Variants in DCC observed in about 807,000 individuals in gnomAD.
The protein encoded by DCC is DCC netrin 1 receptor.
DCC carries 58 observed loss-of-function variants against 172.5 expected under a neutral mutation model. The ratio of observed to expected loss-of-function variants is 0.34; its 90% CI spans 0.27 to 0.42. DCC has a LOEUF of 0.42. Among genes scored for constraint, DCC ranks in the 10% least tolerant of loss-of-function variants. The pLI is 1.00. For missense variants in DCC, 1,740 were observed against 1,791.0 expected (o/e 0.97, Z 0.51); for synonymous variants, 709 against 644.5 (o/e 1.10, Z -1.52).
chr18:52,865,692 TG>T (rs2039215922), intron 2 of DCC, among the ~76,000 whole-genome samples: 1 of 152,040 alleles, frequency 6.6e-6, no homozygotes, highest in Non-Finnish European at 1.5e-5. Flanking sequence ...CACTTTATGA[TG>T]GGGTTGTTTT....
rs114608127 is a variant in DCC at position 52,993,489 on chromosome 18, G to C, written c.985+68119G>C. On this transcript the variant is annotated intron_variant, in intron 5 of 28. Transcript: ENST00000442544. The stretch of plus-strand genomic sequence containing the variant: ...ATATTAATGGAATGTCTGTTACCAT[G>C]AACATTTAAATGAGAAACTCGGGTT... Among the ~76,000 whole-genome samples, 344 of 152,080 alleles carry C rather than the reference G, an allele frequency of 2.3e-3. 1 individual carries two copies. The highest frequency in any genetic ancestry group is 7.9e-3 in the African/African-American group (327 of 41,506).
At chr18:52,561,455 C>CAT (rs757279365) in intron 1 of DCC, among the ~76,000 whole-genome samples, 292 of 149,512 alleles carry the variant, frequency 2.0e-3, no homozygotes, top group African/African-American at 3.2e-3. Flanking sequence ...GCTACACACA[C>CAT]ATATATATAT....
At chr18:53,339,437 A>G (rs2057629973) in intron 14 of DCC, among the ~76,000 whole-genome samples, 1 of 152,200 alleles carries the variant, frequency 6.6e-6, no homozygotes, top group African/African-American at 2.4e-5. Flanking sequence ...AAAAAGAAAA[A>G]AAGCCCAAGT....
chr18:52,502,782 C>T (rs574613233), intron 1 of DCC, among the ~76,000 whole-genome samples: 8 of 152,276 alleles, frequency 5.3e-5, no homozygotes, highest in African/African-American at 1.9e-4. Flanking sequence ...CTAAAAGCCC[C>T]GAGGCGGGAG....
At chr18:53,226,993 A>G (rs2056043500) in intron 12 of DCC, among the ~76,000 whole-genome samples, 1 of 112,792 alleles carries the variant, frequency 8.9e-6, no homozygotes, top group Non-Finnish European at 1.9e-5. Flanking sequence ...TCTGTCACCC[A>G]GGGTGGAGTG....
At chr18:52,679,631 G>T (rs2035708910) in intron 1 of DCC, among the ~76,000 whole-genome samples, 1 of 152,070 alleles carries the variant, frequency 6.6e-6, no homozygotes, top group South Asian at 2.1e-4. Context: ...TTGCATTTTT[G>T]CTGAACCAAA....
chr18:53,455,086 C>A (rs188135281), intron 23 of DCC, among the ~76,000 whole-genome samples: 230 of 152,290 alleles, frequency 1.5e-3, no homozygotes, highest in African/African-American at 5.1e-3. Flanking sequence ...ATCAATATAT[C>A]TTTTTCTGAT....
chr18:52,448,149 C>G (rs1210962311), intron 1 of DCC, among the ~76,000 whole-genome samples: 1 of 152,156 alleles, frequency 6.6e-6, no homozygotes, highest in Non-Finnish European at 1.5e-5. Context: ...GTCAGATCAG[C>G]AGAGGCATTA....
intron 15 of DCC, among the ~76,000 whole-genome samples, chr18:53,347,098 T>C (rs12968567): frequency 0.62 from 94,494 of 151,966 alleles, 29,999 homozygotes; most frequent in African/African-American, 0.68. Flanking sequence ...GAACTCCTTT[T>C]TGTATACTTT....
At chr18:52,519,190 G>T (rs565533719) in intron 1 of DCC, among the ~76,000 whole-genome samples, 1 of 152,312 alleles carries the variant, frequency 6.6e-6, no homozygotes, top group Non-Finnish European at 1.5e-5. Context: ...CAGATTGGGA[G>T]CAGACCTTGT....
chr18:52,355,065 A>T (rs952752699), intron 1 of DCC, among the ~76,000 whole-genome samples: 128 of 152,334 alleles, frequency 8.4e-4, no homozygotes, highest in African/African-American at 3.0e-3. Flanking sequence ...AAGTAGGTGA[A>T]TAATTATTTC....
rs146665147 is a variant in DCC at position 52,415,851 on chromosome 18, A to G, written c.91+74973A>G. On this transcript the variant is annotated intron_variant, in intron 1 of 28. Coordinates refer to ENST00000442544, the MANE Select transcript of DCC (RefSeq NM_005215.4). Reference sequence around the variant, plus strand: ...TCCTGGATTCATTAATTTTTGAAGGATTTTTTGTGTCTCTATTTCCTTCAG... The same window carrying G: ...TCCTGGATTCATTAATTTTTGAAGGGTTTTTTGTGTCTCTATTTCCTTCAG... 8.6e-3 allele frequency among the ~76,000 whole-genome samples: 1,284 copies of G among 148,486 alleles called. 40 individuals are homozygous for G. Among genetic ancestry groups the G allele is most frequent in the East Asian group, 0.079 (398 of 5,054 alleles).
chr18:53,004,112 TG>T, intron 5 of DCC, among the ~76,000 whole-genome samples: 1 of 152,282 alleles, frequency 6.6e-6, no homozygotes, highest in South Asian at 2.1e-4. Flanking sequence ...TGCCATGAAG[TG>T]TTTAGAAATG....
intron 21 of DCC, among the ~76,000 whole-genome samples, chr18:53,425,485 G>T (rs188790803): frequency 6.7e-6 from 1 of 149,072 alleles, no homozygotes. Context: ...CCAGCCTCCC[G>T]AGTAGATGGG....
chr18:52,571,628 G>A (rs574673617), intron 1 of DCC, among the ~76,000 whole-genome samples: 20 of 152,086 alleles, frequency 1.3e-4, no homozygotes, highest in Non-Finnish European at 2.4e-4. Context: ...TCCCATCAGC[G>A]GTGCACCCCT....
intron 22 of DCC, among the ~76,000 whole-genome samples, chr18:53,436,582 CT>C (rs1354257473): frequency 1.3e-5 from 2 of 152,118 alleles, no homozygotes; most frequent in Non-Finnish European, 2.9e-5. Flanking sequence ...ACACCAAATG[CT>C]TGCATCAAAG....
intron 1 of DCC, among the ~76,000 whole-genome samples, chr18:52,460,354 T>G (rs1988593703): frequency 6.6e-6 from 1 of 152,190 alleles, no homozygotes; most frequent in Non-Finnish European, 1.5e-5. Flanking sequence ...AGCTAACCTC[T>G]CCATAGCATT....
chr18:53,232,293 T>C (rs940230481), intron 12 of DCC, among the ~76,000 whole-genome samples: 12 of 152,170 alleles, frequency 7.9e-5, no homozygotes, highest in African/African-American at 2.9e-4. Context: ...GTCATCCTCC[T>C]CTGCATAGTT....
At chr18:52,930,444 C>T (rs542835905) in intron 5 of DCC, among the ~76,000 whole-genome samples, 188 of 152,222 alleles carry the variant, frequency 1.2e-3, no homozygotes, top group South Asian at 7.7e-3. Context: ...ACAAAAACAA[C>T]CCACTAAGTT....
Sources: gnomAD v4.1 joint callset for allele counts (sites outside exome capture counted in the v4.1 genomes callset) on GRCh38, gnomAD v4.1.1 for gene constraint, MANE v1.5 for transcripts, NCBI Gene and HGNC (gene_info 2026-07-23, HGNC 2026-07-21) for gene names.